The following SLC35F4 variants were observed in gnomAD, a reference collection of about 807,000 sequenced individuals.
SLC35F4 encodes the protein solute carrier family 35 member F4.
A neutral mutation model predicts 44.2 loss-of-function variants in SLC35F4; 24 were observed. The observed-to-expected ratio is 0.54, with a 90% confidence interval of 0.39 to 0.76. The LOEUF (loss-of-function observed/expected upper bound fraction) is 0.76. Ranked by LOEUF, SLC35F4 falls within the 30% of genes least tolerant of loss-of-function variation. SLC35F4 has a pLI of 0.00. For synonymous variants in SLC35F4, 238 were observed against 223.6 expected, an observed-to-expected ratio of 1.06 and a Z score of -0.57; for missense variants, 562 against 586.1, an observed-to-expected ratio of 0.96 and a Z score of 0.42.
chr14:57,789,454 C>A (rs1007214391), intron 1 of SLC35F4, among the ~76,000 whole-genome samples: 1 of 151,952 alleles, frequency 6.6e-6, no homozygotes, highest in African/African-American at 2.4e-5. Context: ...AGGAAGAAGT[C>A]CAATCCCTCA....
At chr14:57,929,385 A>C (rs544024503) in intron 1 of SLC35F4, among the ~76,000 whole-genome samples, 1 of 152,244 alleles carries the variant, frequency 6.6e-6, no homozygotes, top group Non-Finnish European at 1.5e-5. Context: ...GGGAAAACCC[A>C]AACATTTATT....
chr14:57,838,373 A>G (rs1294387835), intron 1 of SLC35F4, among the ~76,000 whole-genome samples: 1 of 152,234 alleles, frequency 6.6e-6, no homozygotes, highest in African/African-American at 2.4e-5. Flanking sequence ...TGCTCAAACT[A>G]TCTTCTAGTC....
At chr14:57,950,742 C>T (rs907385650) in intron 1 of SLC35F4, among the ~76,000 whole-genome samples, 3 of 141,918 alleles carry the variant, frequency 2.1e-5, no homozygotes, top group African/African-American at 8.2e-5. Context: ...AATCTCAGCT[C>T]ATTTTCACCT....
chr14:57,820,291 A>C (rs539364022), intron 1 of SLC35F4, among the ~76,000 whole-genome samples: 41 of 152,316 alleles, frequency 2.7e-4, no homozygotes, highest in African/African-American at 9.4e-4. Flanking sequence ...ATCTTTCAGT[A>C]TATGCTTATT....
intron 1 of SLC35F4, among the ~76,000 whole-genome samples, chr14:57,754,874 G>A (rs772220495): frequency 8.5e-5 from 13 of 152,234 alleles, no homozygotes; most frequent in Non-Finnish European, 1.8e-4. Context: ...TCCCTTCTCT[G>A]ACTGAAGCCC....
intron 3 of SLC35F4, among the ~76,000 whole-genome samples, chr14:57,582,269 C>T (rs2069335958): frequency 1.3e-5 from 2 of 152,200 alleles, no homozygotes; most frequent in South Asian, 2.1e-4. Context: ...GATCTTGGCT[C>T]ACTGCAACCT....
chr14:57,917,826 T>C (rs1255496620), intron 1 of SLC35F4, among the ~76,000 whole-genome samples: 2 of 152,188 alleles, frequency 1.3e-5, no homozygotes, highest in African/African-American at 4.8e-5. Flanking sequence ...TTCAATCCAT[T>C]TCCACCCTCT....
intron 1 of SLC35F4, among the ~76,000 whole-genome samples, chr14:57,829,917 G>A (rs1297483498): frequency 6.6e-6 from 1 of 152,138 alleles, no homozygotes; most frequent in Non-Finnish European, 1.5e-5. Context: ...TTTTTAACAG[G>A]AGAGTGACTT....
chr14:57,780,853 AG>A (rs1357562038), intron 1 of SLC35F4, among the ~76,000 whole-genome samples: 2 of 151,736 alleles, frequency 1.3e-5, no homozygotes, highest in Non-Finnish European at 3.0e-5. Context: ...GAAAAAAACA[AG>A]CAAGGCCATA....
intron 1 of SLC35F4, among the ~76,000 whole-genome samples, chr14:57,735,169 C>A (rs1283013229): frequency 6.6e-6 from 1 of 152,122 alleles, no homozygotes; most frequent in African/African-American, 2.4e-5. Context: ...GACTTAGTTG[C>A]AGACTTTTTT....
intron 1 of SLC35F4, among the ~76,000 whole-genome samples, chr14:57,981,627 T>G (rs1230726017): frequency 1.3e-5 from 2 of 152,118 alleles, no homozygotes; most frequent in Non-Finnish European, 2.9e-5. Flanking sequence ...ATCCCCTCAT[T>G]TTGGAGAGCT....
intron 1 of SLC35F4, among the ~76,000 whole-genome samples, chr14:57,745,270 A>G (rs907947112): frequency 6.6e-6 from 1 of 152,252 alleles, no homozygotes; most frequent in Non-Finnish European, 1.5e-5. Flanking sequence ...GCACAGCAAG[A>G]GAAACTACCA....
intron 1 of SLC35F4, among the ~76,000 whole-genome samples, chr14:57,945,335 A>T (rs972937445): frequency 2.6e-5 from 4 of 151,962 alleles, no homozygotes; most frequent in African/African-American, 9.7e-5. Context: ...AAGCAGAAAA[A>T]GAAGCTGCTG....
At chr14:57,709,042 G>A (rs931250587) in intron 1 of SLC35F4, among the ~76,000 whole-genome samples, 10 of 152,320 alleles carry the variant, frequency 6.6e-5, no homozygotes, top group African/African-American at 2.4e-4. Context: ...AGCGGACTAG[G>A]AGCGTGACCA....
At chr14:57,824,889 G>A (rs1274849453) in intron 1 of SLC35F4, among the ~76,000 whole-genome samples, 1 of 152,252 alleles carries the variant, frequency 6.6e-6, no homozygotes, top group African/African-American at 2.4e-5. Context: ...AGGAACTGGG[G>A]TTTAAAGATG....
intron 1 of SLC35F4, among the ~76,000 whole-genome samples, chr14:57,609,165 G>A (rs1015804573): frequency 1.3e-5 from 2 of 152,122 alleles, no homozygotes; most frequent in African/African-American, 2.4e-5. Flanking sequence ...TGGATGGATC[G>A]ATGGATGGAT....
intron 1 of SLC35F4, among the ~76,000 whole-genome samples, chr14:57,881,836 A>G (rs542622323): frequency 6.6e-6 from 1 of 152,304 alleles, no homozygotes; most frequent in African/African-American, 2.4e-5. Context: ...AATCAAATAT[A>G]TAACGTAAAT....
chr14:57,724,973 G>A (rs1194477691), intron 1 of SLC35F4, among the ~76,000 whole-genome samples: 1 of 152,206 alleles, frequency 6.6e-6, no homozygotes, highest in African/African-American at 2.4e-5. Flanking sequence ...TGACTTGGAA[G>A]AAGCATGATT....
At chr14:57,804,241 A>G (rs1193259489) in intron 1 of SLC35F4, among the ~76,000 whole-genome samples, 1 of 152,210 alleles carries the variant, frequency 6.6e-6, no homozygotes, top group Non-Finnish European at 1.5e-5. Flanking sequence ...ACTACCATTG[A>G]CATTCTTCAC....
Sources: allele counts gnomAD v4.1 joint callset (sites outside exome capture counted in the v4.1 genomes callset), GRCh38; gene constraint gnomAD v4.1.1; transcripts MANE v1.5; gene names NCBI Gene and HGNC (gene_info 2026-07-23, HGNC 2026-07-21).